COL4A2: variants seen among roughly 807,000 people sequenced by gnomAD.
COL4A2 encodes collagen type IV alpha 2 chain, also known as collagen alpha-2(IV) chain.
A neutral mutation model predicts 200.2 loss-of-function variants in COL4A2; 99 were observed. That is an observed-to-expected ratio of 0.49 (90% confidence interval 0.42 to 0.58). The LOEUF (loss-of-function observed/expected upper bound fraction) is 0.58, where lower values mean the gene tolerates loss of function less well. Among genes scored for constraint, COL4A2 ranks in the 20% least tolerant of loss-of-function variants. The pLI is 0.00. For missense variants in COL4A2, 1,950 were observed against 2,314.1 expected (o/e 0.84, Z 3.23); for synonymous variants, 897 against 900.6 (o/e 1.00, Z 0.07).
chr13:110,322,291 C>T (rs1241239649), intron 3 of COL4A2, among the ~76,000 whole-genome samples: 4 of 152,168 alleles, frequency 2.6e-5, no homozygotes, highest in East Asian at 3.9e-4. Flanking sequence ...TTCTGGTAAA[C>T]GTTCACCACT....
Position 110,505,839 on chromosome 13 carries a change from T to C in COL4A2, c.4403-576T>C, listed in dbSNP as rs1262265959. On this transcript the variant is annotated intron_variant, in intron 45 of 47. Transcript: ENST00000360467. ...GGTGGGGGCTGGCCTGCGATACTCC[T>C]CCGGACACTTCCAACGCCAGGCACG... Among the ~76,000 whole-genome samples, 6 of 152,204 alleles carry C rather than the reference T, an allele frequency of 3.9e-5. No individual in the cohort carries two copies. The East Asian group carries it at 1.2e-3, about 29-fold the overall frequency.
chr13:110,402,619 C>A (rs1223622149), intron 4 of COL4A2, among the ~76,000 whole-genome samples: 1 of 152,180 alleles, frequency 6.6e-6, no homozygotes, highest in Non-Finnish European at 1.5e-5. Flanking sequence ...CTAGAAGAAA[C>A]CTACACTGCC....
At position 110,365,159 on chromosome 13, in the gene COL4A2, G is replaced by A. The variant is rs550257597; in HGVS notation, c.180+7607G>A. Among the ~76,000 whole-genome samples, 14 of 149,666 alleles carry A rather than the reference G, an allele frequency of 9.4e-5. No individual in the cohort carries two copies. In the East Asian group the frequency reaches 2.0e-3, roughly 21 times the overall value. On this transcript the variant is annotated intron_variant, in intron 4 of 47. Coordinates refer to ENST00000360467, the MANE Select transcript of COL4A2 (RefSeq NM_001846.4). ...ATTTTCTCTCTTGCTTTTTTTTTTC[G>A]AGGCGGAGTTTCGCTCTTGTTGCCT...
chr13:110,326,383 G>A (rs1387296648), intron 3 of COL4A2, among the ~76,000 whole-genome samples: 8 of 152,132 alleles, frequency 5.3e-5, no homozygotes, highest in South Asian at 2.1e-4. Context: ...CTCTATCCTC[G>A]TGCACCTAAA....
intron 3 of COL4A2, among the ~76,000 whole-genome samples, chr13:110,340,748 G>A (rs1318884035): frequency 6.6e-6 from 1 of 152,158 alleles, no homozygotes; most frequent in African/African-American, 2.4e-5. Flanking sequence ...CTCACTCTAT[G>A]TCCTTGGCTG....
chr13:110,319,369 C>A (rs1451074456), intron 3 of COL4A2, among the ~76,000 whole-genome samples: 1 of 152,122 alleles, frequency 6.6e-6, no homozygotes, highest in African/African-American at 2.4e-5. Flanking sequence ...AAACAAAGAA[C>A]AATTTGTTCA....
At chr13:110,423,141 G>A (rs564969501) in intron 4 of COL4A2, among the ~76,000 whole-genome samples, 5 of 152,248 alleles carry the variant, frequency 3.3e-5, no homozygotes, top group South Asian at 4.1e-4. Context: ...AGACTCATTC[G>A]TCTCAAGAGG....
intron 26 of COL4A2, among the ~76,000 whole-genome samples, chr13:110,466,567 T>C (rs758477890): frequency 1.1e-4 from 16 of 152,236 alleles, no homozygotes; most frequent in African/African-American, 3.9e-4. Context: ...CAGCCTTGAT[T>C]TAATTTTGCA....
chr13:110,375,222 G>A (rs1051226091), intron 4 of COL4A2, among the ~76,000 whole-genome samples: 3 of 152,202 alleles, frequency 2.0e-5, no homozygotes, highest in Admixed American at 6.5e-5. Flanking sequence ...GCCCCTGGGT[G>A]AGCCATGTTC....
In COL4A2 at chr13:110,481,045, TC is replaced by T. The variant is rs1170420009; in HGVS notation, c.2758+658del. On this transcript the variant is annotated intron_variant, in intron 31 of 47. Coordinates refer to ENST00000360467, the MANE Select transcript of COL4A2 (RefSeq NM_001846.4). ...CCGTTGCTGGAGACACACAGTTCTG[TC>T]CCTCCATTGCTGGAGACACACTGTT... Among the ~76,000 whole-genome samples, 473 of 106,060 alleles carry T rather than the reference TC, an allele frequency of 4.5e-3. 127 individuals are homozygous for T. Among genetic ancestry groups the T allele is most frequent in the Middle Eastern group, 8.5e-3 (2 of 236 alleles). The allele number at this position is 106,060 out of a possible 152,430, so 69.6% of individuals were successfully genotyped here. A position where few individuals can be genotyped will look rare whatever the true frequency, so the allele number is the denominator to read the frequency against.
intron 16 of COL4A2, among the ~76,000 whole-genome samples, chr13:110,443,370 G>C (rs949386296): frequency 6.6e-5 from 10 of 152,164 alleles, no homozygotes; most frequent in Non-Finnish European, 1.5e-4. Context: ...TTAGAAACAT[G>C]CATCTCCCTA....
At chr13:110,462,649 C>T (rs1032622522) in intron 24 of COL4A2, among the ~76,000 whole-genome samples, 1 of 152,088 alleles carries the variant, frequency 6.6e-6, no homozygotes, top group African/African-American at 2.4e-5. Flanking sequence ...GACTAAGAAC[C>T]CTCCCCCGCC....
At chr13:110,368,151 G>A (rs1877835927) in intron 4 of COL4A2, among the ~76,000 whole-genome samples, 1 of 152,254 alleles carries the variant, frequency 6.6e-6, no homozygotes. Context: ...AGGAAGGACA[G>A]AAGAATGCAT....
rs772735682 is a variant in COL4A2 at position 110,466,001 on chromosome 13, A to C, written c.1979-2A>C. 6.2e-7 allele frequency: 1 copy of C among 1,613,512 alleles called. No homozygotes were observed. Among genetic ancestry groups the C allele is most frequent in the Non-Finnish European group, 8.5e-7 (1 of 1,179,700 alleles). ...CACTCTGTCCTTATGTCTTCCCCCC[A>C]GATTGTGACACAGATGTGAAAAGGG... On this transcript the variant is annotated splice_acceptor_variant, in intron 25 of 47. Transcript: ENST00000360467. LOFTEE classifies it high-confidence loss of function.
chr13:110,442,371 C>T (rs1440455723), intron 16 of COL4A2, among the ~76,000 whole-genome samples: 2 of 152,216 alleles, frequency 1.3e-5, no homozygotes, highest in African/African-American at 4.8e-5. Context: ...ACACAAATGA[C>T]GCAGCCGCCG....
chr13:110,349,750 T>C (rs2139379682), intron 3 of COL4A2, among the ~76,000 whole-genome samples: 1 of 152,250 alleles, frequency 6.6e-6, no homozygotes, highest in East Asian at 1.9e-4. Flanking sequence ...TGCAAACAGA[T>C]GGATTTTCAT....
At chr13:110,379,201 G>A (rs1305349378) in intron 4 of COL4A2, among the ~76,000 whole-genome samples, 2 of 152,168 alleles carry the variant, frequency 1.3e-5, no homozygotes, top group African/African-American at 4.8e-5. Context: ...GCATCTGGTG[G>A]GGCACAGGGA....
At chr13:110,356,873 T>C (rs1594167064) in intron 3 of COL4A2, among the ~76,000 whole-genome samples, 1 of 152,092 alleles carries the variant, frequency 6.6e-6, no homozygotes, top group East Asian at 1.9e-4. Context: ...TCAAGCGATT[T>C]TCCTGCCTCA....
rs1883764058 is a variant in COL4A2, at chr13:110,504,256, G to A, written c.4394G>A (p.Gly1465Asp). Residue 1465 changes from glycine to aspartate, a missense_variant, in exon 45 of 48, where the codon GGC (glycine) becomes GAC (aspartate). By Grantham distance (94) the Gly-to-Asp change is moderately conservative (BLOSUM62 -1). Around this residue, in one of 2 missense-constraint regions of COL4A2, gnomAD observed 1,385 missense variants for 1,720.5 expected, o/e 0.80. Coordinates refer to ENST00000360467, the MANE Select transcript of COL4A2 (RefSeq NM_001846.4). ...CCCATAGGCCACCAGGGGCCGATTG[G>A]CCAAGAAGGTGAGTGACAGTGGGGA... is the stretch of plus-strand genomic sequence containing the variant. Reference protein sequence around the residue: ...EGPIGHQGPIGQEGAPGRPGS... With the variant: ...EGPIGHQGPIDQEGAPGRPGS... The A allele has an allele frequency of 6.2e-7, 1 of 1,613,252 alleles. No individual in the cohort carries two copies. The highest frequency in any genetic ancestry group is 1.3e-5 in the African/African-American group (1 of 74,924).
Sources: allele counts gnomAD v4.1 joint callset (sites outside exome capture counted in the v4.1 genomes callset), GRCh38; gene constraint gnomAD v4.1.1; regional missense constraint gnomAD v4.1.1; transcripts MANE v1.5; gene names NCBI Gene and HGNC (gene_info 2026-07-23, HGNC 2026-07-21).